Variants in CARMIL1 observed in about 807,000 individuals in gnomAD.
The protein encoded by CARMIL1 is capping protein regulator and myosin 1 linker 1.
A neutral mutation model predicts 177.1 loss-of-function variants in CARMIL1; 90 were observed. The ratio of observed to expected loss-of-function variants is 0.51; its 90% CI spans 0.43 to 0.61. The LOEUF is 0.61. Among genes scored for constraint, CARMIL1 ranks in the 20% least tolerant of loss-of-function variants. The pLI is 0.00. For missense variants in CARMIL1, 1,380 were observed against 1,667.0 expected (o/e 0.83, Z 3.00); for synonymous variants, 577 against 606.2 (o/e 0.95, Z 0.71).
intron 26 of CARMIL1, among the ~76,000 whole-genome samples, chr6:25,549,666 G>T (rs1476786250): frequency 6.6e-6 from 1 of 152,130 alleles, no homozygotes; most frequent in Non-Finnish European, 1.5e-5. Flanking sequence ...AGTGCAATGA[G>T]AAATTTTATT....
chr6:25,414,062 G>A (rs55634880), intron 2 of CARMIL1, among the ~76,000 whole-genome samples: 302 of 152,272 alleles, frequency 2.0e-3, no homozygotes, highest in African/African-American at 6.2e-3. Flanking sequence ...ATTAGGTTCT[G>A]GGGTAGGGCT....
chr6:25,459,268 T>TCCTTTCTTTCTTTCTTTC (rs1554200898), intron 8 of CARMIL1, among the ~76,000 whole-genome samples: 1 of 121,194 alleles, frequency 8.3e-6, no homozygotes, highest in Non-Finnish European at 1.8e-5. Flanking sequence ...CTTTCTTTCT[T>TCCTTTCTTTCTTTCTTTC]TTTTTTTTTT....
chr6:25,616,326 G>T lies in CARMIL1; in HGVS notation c.3980-3121G>T, dbSNP rs189932771. On this transcript the variant is annotated intron_variant, in intron 36 of 36. Transcript: ENST00000329474. The stretch of plus-strand genomic sequence containing the variant: ...TTCACATTTGTAATCCCAGCACTTT[G>T]GGAGGCTGAGTCTGGAGGATCACTT... 3.3e-3 allele frequency among the ~76,000 whole-genome samples: 497 copies of T among 152,320 alleles called. 2 individuals carry two copies. Among genetic ancestry groups the T allele is most frequent in the African/African-American group, 0.011 (471 of 41,560 alleles).
At chr6:25,496,711 TTAC>T (rs1212460654) in intron 16 of CARMIL1, among the ~76,000 whole-genome samples, 2 of 152,222 alleles carry the variant, frequency 1.3e-5, no homozygotes, top group African/African-American at 4.8e-5. Flanking sequence ...CAAGTAATAC[TTAC>T]TGAGCATCTA....
intron 2 of CARMIL1, among the ~76,000 whole-genome samples, chr6:25,351,748 G>C (rs1039158440): frequency 6.6e-6 from 1 of 152,030 alleles, no homozygotes; most frequent in African/African-American, 2.4e-5. Context: ...CCTGAGCCTC[G>C]TTGTCCTCCT....
At chr6:25,389,053 G>A (rs1792477673) in intron 2 of CARMIL1, 1 of 152,240 alleles carries the variant, frequency 6.6e-6, no homozygotes, top group African/African-American at 2.4e-5. Context: ...ACTCCTTACT[G>A]ATGGGGATTT....
At chr6:25,546,669 C>CAAAAAAAAAAAAA (rs58285338) in intron 26 of CARMIL1, among the ~76,000 whole-genome samples, 19 of 115,446 alleles carry the variant, frequency 1.6e-4, no homozygotes, top group South Asian at 2.8e-4. Flanking sequence ...ACAACAACAA[C>CAAAAAAAAAAAAA]AAAAAAAAAA....
chr6:25,488,515 A>G lies in CARMIL1; in HGVS notation c.995A>G (p.Asn332Ser), dbSNP rs1802889780. 6.2e-7 allele frequency: 1 copy of G among 1,613,960 alleles called. No individual in the cohort carries two copies. The highest frequency in any genetic ancestry group is 8.5e-7 in the Non-Finnish European group (1 of 1,179,872). ...AGCCTTTCTCAGTCACTCAGTGCCA[A>G]TCCATTGACCGCCTCTACCCTTGTC... Reference protein sequence around the residue: ...VNSLSQSLSANPLTASTLVHL... With the variant: ...VNSLSQSLSASPLTASTLVHL... The change falls in exon 13 of 37, where the codon AAT becomes AGT. Residue 332 changes from asparagine to serine, a missense_variant. Asn to Ser is a conservative substitution (Grantham distance 46). Coordinates refer to ENST00000329474, the MANE Select transcript of CARMIL1 (RefSeq NM_017640.6).
At chr6:25,572,765 G>C (rs976999624) in intron 29 of CARMIL1, among the ~76,000 whole-genome samples, 2 of 150,004 alleles carry the variant, frequency 1.3e-5, no homozygotes, top group Non-Finnish European at 3.0e-5. Flanking sequence ...GGTCCATGAG[G>C]AAGTTTTTGT....
intron 2 of CARMIL1, among the ~76,000 whole-genome samples, chr6:25,302,842 T>A (rs755231686): frequency 2.6e-5 from 4 of 152,174 alleles, no homozygotes; most frequent in Non-Finnish European, 2.9e-5. Context: ...TCTGACTAGT[T>A]CATCTGAGTT....
intron 8 of CARMIL1, among the ~76,000 whole-genome samples, chr6:25,461,289 G>C (rs1800095280): frequency 1.3e-5 from 2 of 152,172 alleles, no homozygotes; most frequent in Admixed American, 1.3e-4. Context: ...TACCTTGCGT[G>C]CATGAAGTCA....
At chr6:25,329,824 A>G (rs1253169795) in intron 2 of CARMIL1, among the ~76,000 whole-genome samples, 1 of 152,224 alleles carries the variant, frequency 6.6e-6, no homozygotes, top group Non-Finnish European at 1.5e-5. Flanking sequence ...TAACAGGGAT[A>G]TCTGTCCTCC....
intron 2 of CARMIL1, among the ~76,000 whole-genome samples, chr6:25,312,169 C>T (rs894765176): frequency 1.3e-5 from 2 of 152,092 alleles, no homozygotes; most frequent in Non-Finnish European, 2.9e-5. Flanking sequence ...TCTATATTTC[C>T]TCTCACCCCC....
At chr6:25,563,693 C>G (rs1433596930) in intron 29 of CARMIL1, 4 of 985,302 alleles carry the variant, frequency 4.1e-6, no homozygotes, top group Non-Finnish European at 4.8e-6. Context: ...TTCTTGGCTT[C>G]TTGCTAGGAA....
intron 2 of CARMIL1, among the ~76,000 whole-genome samples, chr6:25,380,624 GT>G: frequency 6.6e-6 from 1 of 152,298 alleles, no homozygotes; most frequent in Non-Finnish European, 1.5e-5. Context: ...TAGATTTCAT[GT>G]TTGATATGAA....
At chr6:25,569,049 A>T (rs1221094329) in intron 29 of CARMIL1, among the ~76,000 whole-genome samples, 1 of 152,372 alleles carries the variant, frequency 6.6e-6, no homozygotes, top group South Asian at 2.1e-4. Flanking sequence ...TCATTTTAAA[A>T]TGAGATCAAA....
At chr6:25,539,895 G>T in intron 25 of CARMIL1, 52 bp from the exon 26 acceptor site, 1 of 1,371,210 alleles carries the variant, frequency 7.3e-7, no homozygotes, top group South Asian at 1.5e-5. Flanking sequence ...CAATGACTTT[G>T]ATTGAAATAT....
chr6:25,335,176 C>G (rs1561999207), intron 2 of CARMIL1, among the ~76,000 whole-genome samples: 1 of 152,168 alleles, frequency 6.6e-6, no homozygotes, highest in Non-Finnish European at 1.5e-5. Flanking sequence ...GTGCTGATCT[C>G]TGTGTGTGTG....
At chr6:25,416,266 T>C (rs1273656976) in intron 2 of CARMIL1, among the ~76,000 whole-genome samples, 1 of 152,164 alleles carries the variant, frequency 6.6e-6, no homozygotes, top group Non-Finnish European at 1.5e-5. Flanking sequence ...TTTCCATGTG[T>C]GTGGACTATT....
Sources: allele counts gnomAD v4.1 joint callset (sites outside exome capture counted in the v4.1 genomes callset), GRCh38; gene constraint gnomAD v4.1.1; transcripts MANE v1.5; gene names NCBI Gene and HGNC (gene_info 2026-07-23, HGNC 2026-07-21).